Variants in THAP4 observed in about 807,000 individuals in gnomAD.
THAP4 encodes the protein THAP domain containing 4.
In THAP4, 18 loss-of-function variants were observed where a neutral mutation model predicts 48.1. The observed-to-expected ratio is 0.37, with a 90% CI of 0.26 to 0.56. The LOEUF is 0.56. Ranked by LOEUF, THAP4 falls within the 20% of genes least tolerant of loss-of-function variation. The pLI is 0.78. For synonymous variants in THAP4, 345 were observed against 324.9 expected (o/e 1.06, Z -0.66); for missense variants, 656 against 774.9 (o/e 0.85, Z 1.82).
At position 241,633,656 on chromosome 2, in the gene THAP4, G is replaced by T; in HGVS notation, c.501C>A (p.Ala167=). The T allele has an allele frequency of 6.2e-7, 1 of 1,612,336 alleles. No homozygotes were observed. The highest frequency in any genetic ancestry group is 8.5e-7 in the Non-Finnish European group (1 of 1,179,914). ...AAQEAASQEQ[A]QQALERTPGD... is the part of the protein sequence containing the mutation. ...CTGGAGTCCGTTCCAGAGCTTGCTG[G>T]GCCTGCTCCTGGCTGGCGGCCTCCT... is the stretch of plus-strand genomic sequence containing the variant. Residue 167 remains alanine, a synonymous_variant, in exon 2 of 6, where the codon GCC becomes GCA. Coordinates refer to ENST00000407315, the MANE Select transcript of THAP4 (RefSeq NM_015963.6). The surrounding 1 kb of genome is among the most constrained non-coding windows in gnomAD (Gnocchi z 7.5).
intron 2 of THAP4, among the ~76,000 whole-genome samples, chr2:241,631,252 G>C (rs1018829134): frequency 6.6e-6 from 1 of 152,126 alleles, no homozygotes; most frequent in African/African-American, 2.4e-5. Flanking sequence ...GGATCCAGGA[G>C]GTCCTGAAAA....
At chr2:241,632,784 G>T in intron 2 of THAP4, 133 bp downstream of exon 2, 1 of 680,298 alleles carries the variant, frequency 1.5e-6, no homozygotes, top group East Asian at 2.8e-5. Flanking sequence ...GTATGGTTAC[G>T]ACCAGAGCTT....
At chr2:241,615,271 C>T (rs773908158) in intron 2 of THAP4, among the ~76,000 whole-genome samples, 2 of 152,058 alleles carry the variant, frequency 1.3e-5, no homozygotes, top group Non-Finnish European at 2.9e-5. Flanking sequence ...AGCGCCTGCA[C>T]CTGCCAAAAC....
At chr2:241,614,025 G>A (rs536461184) in intron 2 of THAP4, among the ~76,000 whole-genome samples, 225 of 152,086 alleles carry the variant, frequency 1.5e-3, no homozygotes, top group African/African-American at 5.3e-3. Context: ...ATGGTGGTGC[G>A]TGTCTGTAGC....
At chr2:241,599,662 G>A (rs767424361) in intron 5 of THAP4, among the ~76,000 whole-genome samples, 1 of 152,058 alleles carries the variant, frequency 6.6e-6, no homozygotes, top group East Asian at 1.9e-4. Flanking sequence ...ACACTGTCAC[G>A]CTGCATATTG....
chr2:241,602,252 C>G, intron 4 of THAP4: 1 of 539,706 alleles, frequency 1.9e-6, no homozygotes, highest in Non-Finnish European at 3.3e-6. Context: ...CCCACCTCCA[C>G]CCACCAATCA....
chr2:241,610,303 A>C lies in THAP4; in HGVS notation c.1241-3830T>G, dbSNP rs1432892168. Among the ~76,000 whole-genome samples, 2 of 151,994 alleles carry C rather than the reference A, an allele frequency of 1.3e-5. No homozygotes were observed. The highest frequency in any genetic ancestry group is 4.8e-5 in the African/African-American group (2 of 41,404). ...CGCCCCGGAAGCGCAGCCCCGCCTC[A>C]GGCGCCGCATCTCCGCCCTCTCTTG... On this transcript the variant is annotated intron_variant, in intron 2 of 5. Transcript: ENST00000407315. This position sits in a 1 kb window ranked among gnomAD's most constrained non-coding sequence, Gnocchi z 4.2.
intron 5 of THAP4, among the ~76,000 whole-genome samples, chr2:241,589,213 A>C (rs1342869954): frequency 1.3e-5 from 1 of 77,760 alleles, no homozygotes; most frequent in Non-Finnish European, 2.8e-5. Context: ...ACAATGTCTC[A>C]AAAAAAAAAA....
Position 241,601,748 on chromosome 2 carries a change from C to G in THAP4, c.1614+148G>C. ...TTAGGGAACATCCACCCTGGATGGT[C>G]CGAGAAGGGAAAAGAAGGAGACAGT... On this transcript the variant is annotated intron_variant, in intron 5 of 5. Transcript: ENST00000407315. The surrounding 1 kb of genome is among the most constrained non-coding windows in gnomAD (Gnocchi z 4.0). 3.4e-6 allele frequency: 5 copies of G among 1,470,302 alleles called. No homozygotes were observed. The highest frequency in any genetic ancestry group is 4.6e-6 in the Non-Finnish European group (5 of 1,086,752). 91.1% of individuals were successfully genotyped at this position (1,470,302 alleles called of 1,614,324 possible).
At position 241,633,982 on chromosome 2, in the gene THAP4, G is replaced by A. The variant is rs2067605841; in HGVS notation, c.175C>T (p.His59Tyr). 1 of 1,614,118 alleles carries A rather than the reference G, an allele frequency of 6.2e-7. No individual in the cohort carries two copies. The highest frequency in any genetic ancestry group is 8.5e-7 in the Non-Finnish European group (1 of 1,179,992). The change falls in exon 2 of 6, where the codon CAT becomes TAT. Residue 59 changes from histidine to tyrosine, a missense_variant. Physicochemically the swap from His to Tyr is moderately conservative, Grantham distance 83. Around this residue, in one of 4 missense-constraint regions of THAP4, gnomAD observed 30 missense variants for 60.1 expected, o/e 0.50. Coordinates refer to ENST00000407315, the MANE Select transcript of THAP4 (RefSeq NM_015963.6). This position sits in a 1 kb window ranked among gnomAD's most constrained non-coding sequence, Gnocchi z 7.5. ...TTGGAGAAGCTGTCTTTGGTGAAAT[G>A]CTCACTACAGAGAAATGAATACTTA... ...PTKYSFLCSE[H>Y]FTKDSFSKRL...
chr2:241,622,059 A>G (rs541443560), intron 2 of THAP4, among the ~76,000 whole-genome samples: 2 of 152,338 alleles, frequency 1.3e-5, no homozygotes, highest in South Asian at 4.1e-4. Context: ...TAAATCTCTG[A>G]AAAAGAAACT....
intron 5 of THAP4, among the ~76,000 whole-genome samples, chr2:241,600,987 AG>A (rs1464417080): frequency 2.0e-5 from 3 of 148,600 alleles, no homozygotes; most frequent in Non-Finnish European, 4.5e-5. Context: ...AAAAAAAAAA[AG>A]GACAATCTGG....
rs1283232229 is a variant in THAP4 at position 241,633,834 on chromosome 2, G to A, written c.323C>T (p.Ala108Val). 8 of 1,613,672 alleles carry A rather than the reference G, an allele frequency of 5.0e-6. No homozygotes were observed. Among genetic ancestry groups the A allele is most frequent in the African/African-American group, 2.7e-5 (2 of 74,930 alleles). Reference sequence around the variant, plus strand: ...CGAGTGTCCCCTCACACCCCCTGTGGCCTTGCTGGCATCTTTTCTCCGGGT... The same window carrying A: ...CGAGTGTCCCCTCACACCCCCTGTGACCTTGCTGGCATCTTTTCTCCGGGT... The part of the protein sequence containing the change: ...GRTRRKDASK[A>V]TGGVRGHSSA... The change falls in exon 2 of 6, where the codon GCC (alanine) becomes GTC (valine). Residue 108 changes from alanine to valine, a missense_variant. Ala to Val is a moderately conservative substitution (Grantham distance 64). Coordinates refer to ENST00000407315, the MANE Select transcript of THAP4 (RefSeq NM_015963.6). This position sits in a 1 kb window ranked among gnomAD's most constrained non-coding sequence, Gnocchi z 7.5.
intron 5 of THAP4, among the ~76,000 whole-genome samples, chr2:241,593,223 C>T (rs1320526386): frequency 6.6e-5 from 10 of 151,732 alleles, no homozygotes; most frequent in African/African-American, 1.9e-4. Flanking sequence ...CCAGCCTGGG[C>T]GACAGTGCAA....
rs571712550 is a variant in THAP4, at chr2:241,618,466, G to A, written c.1241-11993C>T. Among the ~76,000 whole-genome samples the A allele has an allele frequency of 8.5e-4, 129 of 152,184 alleles. 1 individual carries two copies. The highest frequency in any genetic ancestry group is 3.4e-3 in the Admixed American group (52 of 15,276). On this transcript the variant is annotated intron_variant, in intron 2 of 5. Transcript: ENST00000407315. ...GCTTTCCCACACGCTAGCAATAACC[G>A]AAAAATAATGGGTGGGGAGTAAGCT...
In THAP4 at chr2:241,637,047, G is replaced by A. The variant is rs770550735; in HGVS notation, c.-30C>T. On this transcript the variant is annotated 5_prime_UTR_variant, in exon 1 of 6. Transcript: ENST00000407315. ...GGCCTTGGCCCAGCCGCGCAGCCAG[G>A]CCCCGGCCCTAGCCGCCCGCCCGCC... 2 of 1,188,212 alleles carry A rather than the reference G, an allele frequency of 1.7e-6. No homozygotes were observed. Among genetic ancestry groups the A allele is most frequent in the South Asian group, 3.7e-5 (2 of 54,092 alleles). 73.6% of individuals were successfully genotyped at this position (1,188,212 alleles called of 1,614,324 possible).
Position 241,606,501 on chromosome 2 carries a change from T to C in THAP4, c.1241-28A>G, listed in dbSNP as rs763266805. 1.9e-6 allele frequency: 3 copies of C among 1,568,302 alleles called. No individual in the cohort carries two copies. The East Asian group carries it at 6.9e-5, about 36-fold the overall frequency. On this transcript the variant is annotated intron_variant, in intron 2 of 5. Coordinates refer to ENST00000407315, the MANE Select transcript of THAP4 (RefSeq NM_015963.6). Reference sequence around the variant, plus strand: ...GAGGACAAAAGAATGAGACTATCAGTGGCCTCCCTCCAACCATGCCTTGCT... The same window carrying C: ...GAGGACAAAAGAATGAGACTATCAGCGGCCTCCCTCCAACCATGCCTTGCT...
intron 2 of THAP4, among the ~76,000 whole-genome samples, chr2:241,623,895 T>C (rs1410400693): frequency 3.9e-5 from 6 of 152,226 alleles, no homozygotes; most frequent in Non-Finnish European, 4.4e-5. Context: ...ATGCAGGTCT[T>C]TTCCCACACT....
At chr2:241,604,219 G>A (rs964981917) in intron 3 of THAP4, among the ~76,000 whole-genome samples, 4 of 151,600 alleles carry the variant, frequency 2.6e-5, no homozygotes, top group Non-Finnish European at 2.9e-5. Flanking sequence ...GATTACAGGC[G>A]CCCACCACAC....
Sources: allele counts gnomAD v4.1 joint callset (sites outside exome capture counted in the v4.1 genomes callset), GRCh38; gene constraint gnomAD v4.1.1; regional missense constraint gnomAD v4.1.1; non-coding constraint Gnocchi (gnomAD v3.1); transcripts MANE v1.5; gene names NCBI Gene and HGNC (gene_info 2026-07-23, HGNC 2026-07-21).